PAK2: variants seen among roughly 807,000 people sequenced by gnomAD.
The protein encoded by PAK2 is p21 (RAC1) activated kinase 2.
Under a neutral mutation model 65.9 loss-of-function variants are expected in PAK2, and 21 were observed. The observed-to-expected ratio is 0.32, with a 90% CI of 0.23 to 0.46. PAK2 has a LOEUF of 0.46. Ranked by LOEUF, PAK2 falls within the 20% of genes least tolerant of loss-of-function variation. The probability of loss-of-function intolerance (pLI) is 1.00; values close to 1 mark genes in which losing one functional copy is unlikely to be tolerated. For missense variants in PAK2, 324 were observed against 642.6 expected, an observed-to-expected ratio of 0.50 and a Z score of 5.36; for synonymous variants, 204 against 219.7, an observed-to-expected ratio of 0.93 and a Z score of 0.63.
chr3:196,771,189 G>A (rs77768584), intron 1 of PAK2, among the ~76,000 whole-genome samples: 4,261 of 151,846 alleles, frequency 0.028, 94 homozygotes, highest in Non-Finnish European at 0.042. Context: ...AGTTTATGTT[G>A]GCAGCTTCTT....
rs1375038311 is a variant in PAK2, at chr3:196,802,468, A to T, written c.288+441A>T. 2.6e-5 allele frequency among the ~76,000 whole-genome samples: 4 copies of T among 152,254 alleles called. No individual in the cohort carries two copies. In the East Asian group the frequency reaches 7.7e-4, roughly 29 times the overall value. On this transcript the variant is annotated intron_variant, in intron 3 of 14. Transcript: ENST00000327134. ...GAATTCTTACTGCTTTTTGCTTTTT[A>T]TAAAAGTGTTAGTGGTTGGATATAT...
At chr3:196,825,536 G>A (rs760912647) in intron 13 of PAK2, among the ~76,000 whole-genome samples, 21 of 151,924 alleles carry the variant, frequency 1.4e-4, no homozygotes, top group East Asian at 1.9e-4. Context: ...CCAGCTACTC[G>A]GAAGGCTGAG....
intron 1 of PAK2, among the ~76,000 whole-genome samples, chr3:196,782,374 T>C (rs1174422551): frequency 6.6e-6 from 1 of 152,140 alleles, no homozygotes; most frequent in East Asian, 1.9e-4. Flanking sequence ...ATTAGACCAG[T>C]AGCTTTTGGT....
Position 196,791,846 on chromosome 3 carries a change from C to G in PAK2, c.187+9013C>G, listed in dbSNP as rs1715081040. On this transcript the variant is annotated intron_variant, in intron 2 of 14. Coordinates refer to ENST00000327134, the MANE Select transcript of PAK2 (RefSeq NM_002577.4). This position sits in a 1 kb window ranked among gnomAD's most constrained non-coding sequence, Gnocchi z 4.0. ...GGCTGAGGCAGGAGAATGGCGGGAA[C>G]CCAGGAGGCGGAGCTTGCAGTGGAG... Among the ~76,000 whole-genome samples the G allele has an allele frequency of 1.3e-5, 2 of 151,950 alleles. No homozygotes were observed. Among genetic ancestry groups the G allele is most frequent in the African/African-American group, 4.8e-5 (2 of 41,364 alleles).
intron 7 of PAK2, among the ~76,000 whole-genome samples, chr3:196,808,282 G>A (rs2108761100): frequency 6.6e-6 from 1 of 151,572 alleles, no homozygotes; most frequent in East Asian, 1.9e-4. Flanking sequence ...GCGTCGTTGG[G>A]CTGGGCGCGG....
chr3:196,741,071 G>A (rs995221098), intron 1 of PAK2, among the ~76,000 whole-genome samples: 15 of 152,174 alleles, frequency 9.9e-5, no homozygotes, highest in African/African-American at 3.6e-4. Flanking sequence ...TCTCACTTCT[G>A]CGTTACAGGC....
intron 2 of PAK2, among the ~76,000 whole-genome samples, chr3:196,789,479 T>C (rs199753402): frequency 1.4e-5 from 2 of 139,982 alleles, no homozygotes; most frequent in Admixed American, 8.1e-5. Flanking sequence ...ATTTTTCTTT[T>C]TTCTTTTTTG....
chr3:196,800,742 G>A (rs918053602), intron 2 of PAK2, among the ~76,000 whole-genome samples: 1 of 152,136 alleles, frequency 6.6e-6, no homozygotes, highest in Non-Finnish European at 1.5e-5. Flanking sequence ...AACCAAAATG[G>A]CGCTGGCCTT....
intron 7 of PAK2, among the ~76,000 whole-genome samples, chr3:196,809,348 C>CTTTT (rs758343803): frequency 2.0e-4 from 18 of 90,714 alleles, no homozygotes; most frequent in African/African-American, 4.1e-4. Context: ...TTATTATTAT[C>CTTTT]TTTTTTTTTT....
At chr3:196,828,106 G>A (rs1376957585) in intron 14 of PAK2, among the ~76,000 whole-genome samples, 1 of 152,164 alleles carries the variant, frequency 6.6e-6, no homozygotes, top group Non-Finnish European at 1.5e-5. Context: ...TATTGCTGTT[G>A]TGTGTATATT....
intron 6 of PAK2, 126 bp from the exon 7 acceptor site, chr3:196,807,656 A>G (rs1435647513): frequency 3.6e-6 from 2 of 552,058 alleles, no homozygotes; most frequent in Non-Finnish European, 3.3e-6. Flanking sequence ...TAGTGTTCTC[A>G]TTATTTAGAA....
chr3:196,785,497 G>C (rs917530873), intron 2 of PAK2, among the ~76,000 whole-genome samples: 1 of 152,128 alleles, frequency 6.6e-6, no homozygotes, highest in Non-Finnish European at 1.5e-5. Flanking sequence ...TCTGGGAGGG[G>C]TGAAATACTA....
intron 2 of PAK2, among the ~76,000 whole-genome samples, chr3:196,784,383 C>G (rs1282890326): frequency 1.0e-5 from 1 of 98,596 alleles, no homozygotes; most frequent in Non-Finnish European, 2.0e-5. Context: ...CCCCTCCCCC[C>G]ACCCCACCAC....
intron 8 of PAK2, among the ~76,000 whole-genome samples, chr3:196,811,484 C>T (rs1450720739): frequency 2.2e-5 from 3 of 133,714 alleles, no homozygotes; most frequent in Non-Finnish European, 4.7e-5. Flanking sequence ...CGGGTTCAAA[C>T]GATTCTTCTG....
In PAK2 at chr3:196,769,459, A is replaced by G. The variant is rs368156090; in HGVS notation, c.-21-13167A>G. Among the ~76,000 whole-genome samples the G allele has an allele frequency of 1.0e-3, 154 of 152,100 alleles. 5 individuals are homozygous for G. The highest frequency in any genetic ancestry group is 2.7e-3 in the African/African-American group (113 of 41,388). ...AATTTGGTGGCATTAAGTATATTCA[A>G]TGTTGTACAACCATCACCACCATCC... is the stretch of plus-strand genomic sequence containing the variant. On this transcript the variant is annotated intron_variant, in intron 1 of 14. Transcript: ENST00000327134.
Position 196,751,667 on chromosome 3 carries a change from T to G in PAK2, c.-22+11510T>G, listed in dbSNP as rs71617349. Among the ~76,000 whole-genome samples, 19 of 45,076 alleles carry G rather than the reference T, an allele frequency of 4.2e-4. 1 individual carries two copies. Among genetic ancestry groups the G allele is most frequent in the African/African-American group, 1.8e-3 (18 of 10,042 alleles). The allele number at this position is 45,076 out of a possible 152,430, so 29.6% of individuals were successfully genotyped here. ...CCCCCCAAAAAACACACAAATTTAT[T>G]TATATACATATATATATATATATAT... On this transcript the variant is annotated intron_variant, in intron 1 of 14. Transcript: ENST00000327134.
chr3:196,773,391 T>C (rs1165046418), intron 1 of PAK2, among the ~76,000 whole-genome samples: 1 of 152,190 alleles, frequency 6.6e-6, no homozygotes, highest in Non-Finnish European at 1.5e-5. Flanking sequence ...AGGAACCTTA[T>C]CACAGTCTCA....
intron 2 of PAK2, among the ~76,000 whole-genome samples, chr3:196,792,820 C>T (rs201954480): frequency 0.024 from 3,569 of 150,524 alleles, 75 homozygotes; most frequent in Non-Finnish European, 0.033. Context: ...TATATATACA[C>T]ACACACACAC....
At chr3:196,793,631 A>G (rs991343342) in intron 2 of PAK2, among the ~76,000 whole-genome samples, 1 of 151,650 alleles carries the variant, frequency 6.6e-6, no homozygotes, top group Admixed American at 6.6e-5. Flanking sequence ...GTGTAAGGAG[A>G]AAAAAAACCC....
Sources: gnomAD v4.1 joint callset for allele counts (sites outside exome capture counted in the v4.1 genomes callset) on GRCh38, gnomAD v4.1.1 for gene constraint, Gnocchi (gnomAD v3.1) non-coding constraint, MANE v1.5 for transcripts, NCBI Gene and HGNC (gene_info 2026-07-23, HGNC 2026-07-21) for gene names.